Variants in KCNB2 observed in about 807,000 individuals in gnomAD.
The protein encoded by KCNB2 is delayed rectifier potassium channel protein.
KCNB2 carries 15 observed loss-of-function variants against 61.5 expected under a neutral mutation model. The ratio of observed to expected loss-of-function variants is 0.24; its 90% CI spans 0.16 to 0.38. The LOEUF is 0.38. KCNB2 is among the 10% of genes least tolerant of loss of function. KCNB2 has a pLI of 1.00. For missense variants in KCNB2, 828 were observed against 1,125.2 expected, an observed-to-expected ratio of 0.74 and a Z score of 3.78; for synonymous variants, 457 against 446.0, an observed-to-expected ratio of 1.02 and a Z score of -0.31.
chr8:72,594,599 G>A (rs1038800145), intron 2 of KCNB2, among the ~76,000 whole-genome samples: 10 of 152,122 alleles, frequency 6.6e-5, no homozygotes, highest in Admixed American at 3.9e-4. Flanking sequence ...CTAGATGAAC[G>A]TGTCAGTGGA....
chr8:72,872,902 G>A (rs148606248), intron 2 of KCNB2, among the ~76,000 whole-genome samples: 93 of 152,286 alleles, frequency 6.1e-4, no homozygotes, highest in African/African-American at 2.1e-3. Flanking sequence ...TCTCCTCAAA[G>A]AACGGTGTCT....
At chr8:72,561,724 T>C (rs1219858135) in intron 1 of KCNB2, among the ~76,000 whole-genome samples, 11 of 21,974 alleles carry the variant, frequency 5.0e-4, no homozygotes, top group African/African-American at 4.3e-3. Flanking sequence ...TATATATATA[T>C]ATATCTATAT....
chr8:72,758,631 T>C (rs1808330842), intron 2 of KCNB2, among the ~76,000 whole-genome samples: 1 of 152,192 alleles, frequency 6.6e-6, no homozygotes, highest in Non-Finnish European at 1.5e-5. Context: ...AACCTCTGAG[T>C]CTTCATTTCC....
chr8:72,852,356 G>A (rs755059705), intron 2 of KCNB2, among the ~76,000 whole-genome samples: 15 of 152,146 alleles, frequency 9.9e-5, no homozygotes, highest in Admixed American at 5.2e-4. Flanking sequence ...ATTGTACCAT[G>A]TTTTTCATTA....
intron 2 of KCNB2, among the ~76,000 whole-genome samples, chr8:72,604,778 T>C (rs1454384731): frequency 6.6e-6 from 1 of 152,238 alleles, no homozygotes; most frequent in Non-Finnish European, 1.5e-5. Context: ...TCACTTAGAC[T>C]CCAAAGGTCA....
intron 2 of KCNB2, among the ~76,000 whole-genome samples, chr8:72,663,375 G>A (rs772789549): frequency 3.9e-5 from 6 of 152,158 alleles, no homozygotes; most frequent in Non-Finnish European, 7.3e-5. Context: ...ATCATTATTT[G>A]TGGTAGATCT....
chr8:72,777,591 T>C (rs1040336987), intron 2 of KCNB2, among the ~76,000 whole-genome samples: 2 of 152,230 alleles, frequency 1.3e-5, no homozygotes, highest in Admixed American at 6.5e-5. Context: ...ACCATGTTTT[T>C]TCTAAGAATT....
intron 2 of KCNB2, among the ~76,000 whole-genome samples, chr8:72,730,167 T>C (rs1036950325): frequency 6.6e-6 from 1 of 152,128 alleles, no homozygotes; most frequent in African/African-American, 2.4e-5. Flanking sequence ...TAGCAAAACT[T>C]TCATTGTCGC....
intron 2 of KCNB2, among the ~76,000 whole-genome samples, chr8:72,918,061 C>G (rs1181365986): frequency 6.6e-6 from 1 of 152,190 alleles, no homozygotes; most frequent in African/African-American, 2.4e-5. Flanking sequence ...CAATTATATT[C>G]TTATTTTCAA....
chr8:72,658,597 T>G (rs1806329118), intron 2 of KCNB2, among the ~76,000 whole-genome samples: 8 of 152,214 alleles, frequency 5.3e-5, no homozygotes, highest in Admixed American at 5.2e-4. Context: ...AATGGCCTTC[T>G]GTTGGAAGAA....
At chr8:72,604,484 G>T (rs1411270855) in intron 2 of KCNB2, among the ~76,000 whole-genome samples, 2 of 152,136 alleles carry the variant, frequency 1.3e-5, no homozygotes, top group Non-Finnish European at 2.9e-5. Context: ...TTGAGCCTCA[G>T]TTGCCTTATC....
At chr8:72,557,062 A>C (rs1348898177) in intron 1 of KCNB2, among the ~76,000 whole-genome samples, 1 of 152,016 alleles carries the variant, frequency 6.6e-6, no homozygotes, top group Non-Finnish European at 1.5e-5. Context: ...CTCATGACCT[A>C]ATCACTCCCA....
intron 2 of KCNB2, among the ~76,000 whole-genome samples, chr8:72,718,933 C>T (rs2247778): frequency 0.72 from 110,062 of 151,972 alleles, 41,114 homozygotes; most frequent in African/African-American, 0.9. Flanking sequence ...AGTCATAAGG[C>T]GAGATTTTTT....
chr8:72,682,018 A>G (rs1045236132), intron 2 of KCNB2, among the ~76,000 whole-genome samples: 1 of 152,224 alleles, frequency 6.6e-6, no homozygotes, highest in East Asian at 1.9e-4. Flanking sequence ...ATTAAACGAC[A>G]TTTGACTTCA....
intron 1 of KCNB2, among the ~76,000 whole-genome samples, chr8:72,561,723 A>ATGTGTG (rs1554576118): frequency 9.4e-5 from 3 of 31,800 alleles, no homozygotes; most frequent in African/African-American, 8.5e-4. Flanking sequence ...ATATATATAT[A>ATGTGTG]TATATCTATA....
chr8:72,927,253 A>C (rs972450242), intron 2 of KCNB2, among the ~76,000 whole-genome samples: 63 of 142,834 alleles, frequency 4.4e-4, no homozygotes, highest in African/African-American at 1.5e-3. Flanking sequence ...GAAGTGTCTC[A>C]CCCCCACTCT....
At chr8:72,597,734 A>G (rs1240136092) in intron 2 of KCNB2, among the ~76,000 whole-genome samples, 1 of 152,154 alleles carries the variant, frequency 6.6e-6, no homozygotes, top group Non-Finnish European at 1.5e-5. Context: ...CCCATATGGG[A>G]ATATTAATTT....
chr8:72,684,072 A>G (rs1194383929), intron 2 of KCNB2, among the ~76,000 whole-genome samples: 1 of 152,208 alleles, frequency 6.6e-6, no homozygotes, highest in Non-Finnish European at 1.5e-5. Context: ...ATCAGTTAGA[A>G]TAAATGGTGA....
intron 2 of KCNB2, among the ~76,000 whole-genome samples, chr8:72,609,345 C>T (rs1805501827): frequency 6.6e-6 from 1 of 152,198 alleles, no homozygotes; most frequent in Non-Finnish European, 1.5e-5. Context: ...AACAAACTCT[C>T]TTGAAGCATT....
Sources: gnomAD v4.1 joint callset for allele counts (sites outside exome capture counted in the v4.1 genomes callset) on GRCh38, gnomAD v4.1.1 for gene constraint, MANE v1.5 for transcripts, NCBI Gene and HGNC (gene_info 2026-07-23, HGNC 2026-07-21) for gene names.